The following WDR1 variants were observed in gnomAD, a reference collection of about 807,000 sequenced individuals.
WDR1 encodes WD repeat domain 1.
WDR1 carries 21 observed loss-of-function variants against 71.9 expected under a neutral mutation model. The observed-to-expected ratio is 0.29, with a 90% CI of 0.21 to 0.42. The LOEUF is 0.42. WDR1 is among the 10% of genes least tolerant of loss of function. The probability of loss-of-function intolerance (pLI) is 1.00; values close to 1 mark genes in which losing one functional copy is unlikely to be tolerated. For synonymous variants in WDR1, 424 were observed against 347.4 expected (o/e 1.22, Z -2.45); for missense variants, 696 against 824.5 (o/e 0.84, Z 1.91).
rs368484805 is a variant in WDR1 at position 10,098,090 on chromosome 4, G to A, written c.378-199C>T. 2.0e-5 allele frequency among the ~76,000 whole-genome samples: 3 copies of A among 152,104 alleles called. No individual in the cohort carries two copies. The South Asian group carries it at 6.2e-4, about 32-fold the overall frequency. On this transcript the variant is annotated intron_variant, in intron 4 of 14. Coordinates refer to ENST00000499869, the MANE Select transcript of WDR1 (RefSeq NM_017491.5). ...CAAGGCATTTGTCCAAAGGACCCAA[G>A]AACAAGATGGGGCAAGCCGGCGCCT...
At chr4:10,086,970 C>T (rs929274725) in intron 8 of WDR1, among the ~76,000 whole-genome samples, 2 of 152,140 alleles carry the variant, frequency 1.3e-5, no homozygotes, top group Admixed American at 1.3e-4. Context: ...GCGAGATTCC[C>T]AGAGGCGTCA....
rs554908267 is a variant in WDR1, at chr4:10,088,280, C to T, written c.717+13G>A. ...ATTCCCACCACTAGGCCGGGAAACA[C>T]GCTCATACTCACTGCGTAAATCCCA... is the stretch of plus-strand genomic sequence containing the variant. On this transcript the variant is annotated intron_variant, in intron 7 of 14. Transcript: ENST00000499869. 2.3e-5 allele frequency: 36 copies of T among 1,551,194 alleles called. No individual in the cohort carries two copies. The East Asian group carries it at 5.9e-4, about 25-fold the overall frequency.
intron 11 of WDR1, among the ~76,000 whole-genome samples, chr4:10,079,785 G>T (rs892577284): frequency 6.6e-6 from 1 of 152,164 alleles, no homozygotes; most frequent in Non-Finnish European, 1.5e-5. Context: ...CGCGATGAAT[G>T]GTAGCAGCAC....
At chr4:10,108,331 C>A (rs976658737) in intron 2 of WDR1, 1 of 152,232 alleles carries the variant, frequency 6.6e-6, no homozygotes, top group Non-Finnish European at 1.5e-5. Flanking sequence ...TCAAGGCTTG[C>A]CACTGGTATC....
intron 2 of WDR1, among the ~76,000 whole-genome samples, chr4:10,109,589 C>T (rs974246955): frequency 6.6e-6 from 1 of 152,254 alleles, no homozygotes; most frequent in Admixed American, 6.5e-5. Flanking sequence ...CCTCCCAGCT[C>T]AGCCTCAGAT....
At position 10,081,349 on chromosome 4, in the gene WDR1, G is replaced by A. The variant is rs779270233; in HGVS notation, c.1284+8C>T. The A allele has an allele frequency of 1.2e-6, 2 of 1,612,782 alleles. No homozygotes were observed. Among genetic ancestry groups the A allele is most frequent in the East Asian group, 4.5e-5 (2 of 44,882 alleles). On this transcript the variant is annotated splice_region_variant and intron_variant, in intron 11 of 14. Transcript: ENST00000499869. Reference sequence around the variant, plus strand: ...GGCTCCCACCCAAACACTAAGCCAGGTCCCTACCTGTCCAATGCACACGAC... The same window carrying A: ...GGCTCCCACCCAAACACTAAGCCAGATCCCTACCTGTCCAATGCACACGAC...
rs572760790 is a variant in WDR1, at chr4:10,077,895, C to T, written c.1427G>A (p.Gly476Asp). ...CTTGCCCTCATCCTTCAGCGTGGTG[C>T]CCAGGATGGAATACAGGCGGACGTT... The part of the protein sequence containing the change: ...DGNVRLYSIL[G>D]TTLKDEGKLL... The change falls in exon 13 of 15, where the codon GGC becomes GAC. Residue 476 changes from glycine (G) to aspartate (D), a missense_variant. Physicochemically the swap from Gly to Asp is moderately conservative, Grantham distance 94 (BLOSUM62 -1). Coordinates refer to ENST00000499869, the MANE Select transcript of WDR1 (RefSeq NM_017491.5). 19 of 1,610,756 alleles carry T rather than the reference C, an allele frequency of 1.2e-5. No homozygotes were observed. The highest frequency in any genetic ancestry group is 1.7e-4 in the Middle Eastern group (1 of 6,050).
At chr4:10,097,079 T>G (rs1426260532) in intron 5 of WDR1, among the ~76,000 whole-genome samples, 1 of 152,230 alleles carries the variant, frequency 6.6e-6, no homozygotes, top group African/African-American at 2.4e-5. Context: ...AACCCTCAGA[T>G]GCTGCTGGCC....
intron 2 of WDR1, among the ~76,000 whole-genome samples, chr4:10,114,922 C>A (rs1713617250): frequency 6.6e-6 from 1 of 152,216 alleles, no homozygotes; most frequent in South Asian, 2.1e-4. Context: ...CAGATGCGGG[C>A]AGAGCCAGCA....
intron 2 of WDR1, among the ~76,000 whole-genome samples, chr4:10,109,281 A>G (rs115891406): frequency 1.3e-5 from 2 of 152,272 alleles, no homozygotes; most frequent in East Asian, 1.9e-4. Context: ...TTATGAGCAT[A>G]TAACTAACAG....
chr4:10,111,083 C>T (rs1423681892), intron 2 of WDR1, among the ~76,000 whole-genome samples: 1 of 152,126 alleles, frequency 6.6e-6, no homozygotes, highest in East Asian at 1.9e-4. Context: ...TAATTGGCTT[C>T]CCTGCCTCAG....
Position 10,092,989 on chromosome 4 carries a change from C to T in WDR1, c.559-4248G>A, listed in dbSNP as rs151202769. ...CATAGCCAAGACTGACCTGTATCAA[C>T]GAGCCCCCCTCCCCACAGTCCTCAC... is the stretch of plus-strand genomic sequence containing the variant. On this transcript the variant is annotated intron_variant, in intron 5 of 14. Transcript: ENST00000499869. The T allele has an allele frequency of 1.3e-3, 1,546 of 1,173,252 alleles. 3 individuals are homozygous for T. The highest frequency in any genetic ancestry group is 1.6e-3 in the Non-Finnish European group (1,380 of 882,730). 72.7% of individuals were successfully genotyped at this position (1,173,252 alleles called of 1,614,324 possible). A position where few individuals can be genotyped will look rare whatever the true frequency, so the allele number is the denominator to read the frequency against.
intron 2 of WDR1, among the ~76,000 whole-genome samples, chr4:10,114,415 C>G (rs746137214): frequency 6.6e-6 from 1 of 152,182 alleles, no homozygotes; most frequent in Non-Finnish European, 1.5e-5. Context: ...AGTCTGACTC[C>G]TCTTTAGAGT....
chr4:10,079,126 T>C, intron 11 of WDR1, 125 bp from the exon 12 acceptor site: 1 of 671,170 alleles, frequency 1.5e-6, no homozygotes, highest in Non-Finnish European at 2.5e-6. Context: ...CCAACCTCTT[T>C]GCAGGGCCAC....
chr4:10,078,662 G>C lies in WDR1; in HGVS notation c.1395+229C>G, dbSNP rs1202635205. ...CTGTCCACAGTCTTGTGGGCACCCGGGCAGTGAGGTGGGGGAAGTGCCGAG... is the reference window on the plus strand; with the variant it reads ...CTGTCCACAGTCTTGTGGGCACCCGCGCAGTGAGGTGGGGGAAGTGCCGAG... On this transcript the variant is annotated intron_variant, in intron 12 of 14. Coordinates refer to ENST00000499869, the MANE Select transcript of WDR1 (RefSeq NM_017491.5). The C allele has an allele frequency of 5.3e-5, 26 of 486,102 alleles. No homozygotes were observed. In the East Asian group the frequency reaches 8.6e-4, roughly 16 times the overall value. 30.1% of individuals were successfully genotyped at this position (486,102 alleles called of 1,614,324 possible).
At chr4:10,093,915 T>C (rs3822239) in intron 5 of WDR1, among the ~76,000 whole-genome samples, 3 of 152,100 alleles carry the variant, frequency 2.0e-5, no homozygotes, top group Admixed American at 2.0e-4. Context: ...TTGCCTGTTT[T>C]GAGCTCAAAT....
intron 3 of WDR1, among the ~76,000 whole-genome samples, chr4:10,100,625 A>C (rs1712629272): frequency 6.6e-6 from 1 of 152,232 alleles, no homozygotes; most frequent in African/African-American, 2.4e-5. Flanking sequence ...TCCAGTGAAC[A>C]GCACTAACTA....
chr4:10,079,816 G>T (rs1267168502), intron 11 of WDR1, among the ~76,000 whole-genome samples: 1 of 152,198 alleles, frequency 6.6e-6, no homozygotes. Flanking sequence ...ACCTACTACT[G>T]AAGAGGCACC....
chr4:10,087,968 T>C (rs1711696025), intron 7 of WDR1, 28 bp from the exon 8 acceptor site: 2 of 1,536,260 alleles, frequency 1.3e-6, no homozygotes, highest in Non-Finnish European at 1.8e-6. Context: ...GTGTGTCATG[T>C]GCCAGAGGAC....
Sources: gnomAD v4.1 joint callset for allele counts (sites outside exome capture counted in the v4.1 genomes callset) on GRCh38, gnomAD v4.1.1 for gene constraint, MANE v1.5 for transcripts, NCBI Gene and HGNC (gene_info 2026-07-23, HGNC 2026-07-21) for gene names.